IMMP2L: variants seen among roughly 807,000 people sequenced by gnomAD.
The protein encoded by IMMP2L is mitochondrial inner membrane protease subunit 2.
A neutral mutation model predicts 19.3 loss-of-function variants in IMMP2L; 18 were observed. That is an observed-to-expected ratio of 0.93 (90% CI 0.64 to 1.38). The LOEUF is 1.38. IMMP2L is among the 40% of genes most tolerant of loss of function. The pLI is 0.00. For missense variants in IMMP2L, 233 were observed against 218.2 expected, an observed-to-expected ratio of 1.07 and a Z score of -0.43; for synonymous variants, 76 against 73.0, an observed-to-expected ratio of 1.04 and a Z score of -0.21.
intron 5 of IMMP2L, among the ~76,000 whole-genome samples, chr7:110,836,763 G>A (rs181970711): frequency 2.2e-4 from 34 of 152,208 alleles, no homozygotes; most frequent in Non-Finnish European, 3.2e-4. Context: ...TTGTGCTTTA[G>A]GTGGCTGATG....
chr7:110,706,202 A>T (rs1794668594), intron 5 of IMMP2L, among the ~76,000 whole-genome samples: 1 of 152,144 alleles, frequency 6.6e-6, no homozygotes, highest in Non-Finnish European at 1.5e-5. Context: ...CCCTGGGCTC[A>T]AGGGATCCTT....
intron 3 of IMMP2L, among the ~76,000 whole-genome samples, chr7:111,350,053 C>T (rs2130875347): frequency 6.6e-6 from 1 of 151,756 alleles, no homozygotes; most frequent in South Asian, 2.1e-4. Context: ...CTGCAACCTC[C>T]ATCTTCTGCT....
At chr7:111,439,160 G>GT (rs1261872591) in intron 3 of IMMP2L, among the ~76,000 whole-genome samples, 1 of 151,818 alleles carries the variant, frequency 6.6e-6, no homozygotes, top group Non-Finnish European at 1.5e-5. Context: ...TCTCCCTGAA[G>GT]TTTACATCCT....
chr7:110,928,957 C>T (rs571145857), intron 4 of IMMP2L, among the ~76,000 whole-genome samples: 3 of 152,026 alleles, frequency 2.0e-5, no homozygotes, highest in Admixed American at 6.6e-5. Flanking sequence ...CACAGTTTTC[C>T]GCTCCCTTTC....
intron 3 of IMMP2L, among the ~76,000 whole-genome samples, chr7:111,033,567 A>G (rs892356399): frequency 6.6e-6 from 1 of 152,246 alleles, no homozygotes; most frequent in African/African-American, 2.4e-5. Context: ...CTTGTAAACA[A>G]CTAAGATATC....
At chr7:111,086,177 A>C (rs2129577085) in intron 3 of IMMP2L, among the ~76,000 whole-genome samples, 1 of 151,884 alleles carries the variant, frequency 6.6e-6, no homozygotes, top group South Asian at 2.1e-4. Flanking sequence ...CTGTAATCCC[A>C]GCCATTTGGA....
chr7:110,983,092 C>A (rs762103339), intron 3 of IMMP2L, among the ~76,000 whole-genome samples: 1 of 151,884 alleles, frequency 6.6e-6, no homozygotes, highest in Non-Finnish European at 1.5e-5. Flanking sequence ...GAAATGAAAA[C>A]ATTGGATGGA....
chr7:111,089,628 A>T (rs566219789), intron 3 of IMMP2L, among the ~76,000 whole-genome samples: 100 of 152,232 alleles, frequency 6.6e-4, no homozygotes, highest in Non-Finnish European at 4.9e-4. Flanking sequence ...ATGATCCCTA[A>T]CATACAGAAC....
At chr7:110,946,287 C>A (rs1031796037) in intron 4 of IMMP2L, among the ~76,000 whole-genome samples, 2 of 152,092 alleles carry the variant, frequency 1.3e-5, no homozygotes, top group African/African-American at 4.8e-5. Context: ...TACAACAATG[C>A]CACCCTTCAT....
chr7:111,455,427 A>G (rs533738057), intron 3 of IMMP2L, among the ~76,000 whole-genome samples: 3 of 152,184 alleles, frequency 2.0e-5, no homozygotes, highest in South Asian at 2.1e-4. Context: ...TCTATCACTA[A>G]AAGTATGACT....
Position 111,508,306 on chromosome 7 carries a change from G to A in IMMP2L, c.135+13007C>T, listed in dbSNP as rs139390675. Among the ~76,000 whole-genome samples, 582 of 151,620 alleles carry A rather than the reference G, an allele frequency of 3.8e-3. 3 individuals are homozygous for A. Among genetic ancestry groups the A allele is most frequent in the African/African-American group, 0.012 (516 of 41,364 alleles). ...AAAAAATAAAATTAAAAAAGTTTACGAAGAAATAAAAATAAAGTTCATAAA... is the reference window on the plus strand; with the variant it reads ...AAAAAATAAAATTAAAAAAGTTTACAAAGAAATAAAAATAAAGTTCATAAA... On this transcript the variant is annotated intron_variant, in intron 2 of 5. Transcript: ENST00000405709.
At chr7:111,394,563 T>C (rs1832689670) in intron 3 of IMMP2L, among the ~76,000 whole-genome samples, 1 of 152,086 alleles carries the variant, frequency 6.6e-6, no homozygotes, top group South Asian at 2.1e-4. Flanking sequence ...TGGGGTTATG[T>C]AAGGTTGTGC....
At chr7:111,531,031 A>C (rs576739892) in intron 1 of IMMP2L, among the ~76,000 whole-genome samples, 3 of 151,228 alleles carry the variant, frequency 2.0e-5, no homozygotes, top group Admixed American at 2.0e-4. Context: ...AGCTCACTGC[A>C]AGCTCCGCCT....
chr7:111,030,145 G>A (rs568246525), intron 3 of IMMP2L, among the ~76,000 whole-genome samples: 1 of 152,168 alleles, frequency 6.6e-6, no homozygotes, highest in South Asian at 2.1e-4. Flanking sequence ...AAATCACAAT[G>A]ACAAAGATGT....
intron 3 of IMMP2L, among the ~76,000 whole-genome samples, chr7:111,257,049 T>C (rs1816771547): frequency 6.6e-6 from 1 of 152,058 alleles, no homozygotes. Flanking sequence ...CCCAAGTTTT[T>C]CTCTTTCACA....
At chr7:111,281,275 AAG>A (rs1819851239) in intron 3 of IMMP2L, among the ~76,000 whole-genome samples, 1 of 151,608 alleles carries the variant, frequency 6.6e-6, no homozygotes, top group Admixed American at 6.6e-5. Flanking sequence ...GAGAGAAAGA[AAG>A]AGAAGGAAAG....
At chr7:111,211,809 C>T (rs1206897667) in intron 3 of IMMP2L, among the ~76,000 whole-genome samples, 1 of 151,856 alleles carries the variant, frequency 6.6e-6, no homozygotes, top group Non-Finnish European at 1.5e-5. Context: ...CTGGCTAACA[C>T]GGTGAAACCC....
chr7:110,932,126 T>C (rs1815560327), intron 4 of IMMP2L, among the ~76,000 whole-genome samples: 1 of 152,090 alleles, frequency 6.6e-6, no homozygotes, highest in African/African-American at 2.4e-5. Flanking sequence ...TGCCTTTATG[T>C]CCTATTTCTG....
At chr7:111,542,548 A>C (rs1848585633) in intron 1 of IMMP2L, among the ~76,000 whole-genome samples, 1 of 152,158 alleles carries the variant, frequency 6.6e-6, no homozygotes, top group South Asian at 2.1e-4. Flanking sequence ...GTATTTAAGC[A>C]CTATGCTACA....
Sources: gnomAD v4.1 joint callset for allele counts (sites outside exome capture counted in the v4.1 genomes callset) on GRCh38, gnomAD v4.1.1 for gene constraint, MANE v1.5 for transcripts, NCBI Gene and HGNC (gene_info 2026-07-23, HGNC 2026-07-21) for gene names.